Variants in WNK1 observed in about 807,000 individuals in gnomAD.
WNK1 encodes WNK lysine deficient protein kinase 1.
In WNK1, 38 loss-of-function variants were observed where a neutral mutation model predicts 222.8. The observed-to-expected ratio is 0.17, with a 90% CI of 0.13 to 0.22. WNK1 has a LOEUF of 0.22. Among genes scored for constraint, WNK1 ranks in the 10% least tolerant of loss-of-function variants. The pLI, the probability that WNK1 is intolerant of heterozygous loss-of-function variation, is 1.00. For synonymous variants in WNK1, 1,090 were observed against 1,092.9 expected (o/e 1.00, Z 0.05); for missense variants, 2,348 against 2,918.4 (o/e 0.80, Z 4.50).
intron 1 of WNK1, among the ~76,000 whole-genome samples, chr12:801,660 G>A (rs978452998): frequency 2.0e-5 from 3 of 151,150 alleles, no homozygotes; most frequent in Non-Finnish European, 2.9e-5. Flanking sequence ...CTCCTGCCTC[G>A]GCCTCCCAAA....
At chr12:848,426 C>G (rs1950178937) in intron 4 of WNK1, among the ~76,000 whole-genome samples, 1 of 148,552 alleles carries the variant, frequency 6.7e-6, no homozygotes, top group Non-Finnish European at 1.5e-5. Flanking sequence ...TATTAGAAAT[C>G]AGAACTTTGA....
At chr12:871,643 C>T (rs901374110) in intron 9 of WNK1, among the ~76,000 whole-genome samples, 8 of 152,090 alleles carry the variant, frequency 5.3e-5, no homozygotes, top group African/African-American at 1.9e-4. Context: ...CACTCTGTCA[C>T]CCAGGCTGGA....
At chr12:786,338 C>T (rs1295747332) in intron 1 of WNK1, among the ~76,000 whole-genome samples, 3 of 152,064 alleles carry the variant, frequency 2.0e-5, no homozygotes, top group Non-Finnish European at 4.4e-5. Flanking sequence ...ATGTTATATA[C>T]GTAAATAATT....
chr12:861,629 T>C (rs1415198873), intron 7 of WNK1, among the ~76,000 whole-genome samples: 3 of 152,196 alleles, frequency 2.0e-5, no homozygotes, highest in African/African-American at 7.2e-5. Context: ...TTTATTTAAA[T>C]AAAACAGATT....
At chr12:855,340 G>A (rs6489756) in intron 4 of WNK1, among the ~76,000 whole-genome samples, 77,231 of 152,070 alleles carry the variant, frequency 0.51, 20,112 homozygotes, top group East Asian at 0.81. Flanking sequence ...CTGCTACACA[G>A]TTCCTTGCTG....
chr12:805,692 A>G (rs1219067234), intron 1 of WNK1, among the ~76,000 whole-genome samples: 1 of 152,192 alleles, frequency 6.6e-6, no homozygotes, highest in Non-Finnish European at 1.5e-5. Context: ...GTTTGCTGAC[A>G]TTAGGACGTG....
intron 19 of WNK1, among the ~76,000 whole-genome samples, chr12:886,506 TG>T (rs1215562426): frequency 6.6e-6 from 1 of 152,128 alleles, no homozygotes; most frequent in Non-Finnish European, 1.5e-5. Flanking sequence ...TTGTACAGTT[TG>T]GGGGTTATAA....
chr12:868,293 A>G lies in WNK1; in HGVS notation c.2140-2972A>G, dbSNP rs751910640. The G allele has an allele frequency of 3.7e-6, 6 of 1,607,702 alleles. No homozygotes were observed. The South Asian group carries it at 5.5e-5, about 15-fold the overall frequency. On this transcript the variant is annotated intron_variant, in intron 8 of 27. Transcript: ENST00000315939. Reference sequence around the variant, plus strand: ...GAAGCAGTGTATGTAGCTGGGGTACATTACCAGGCCCGGGTGGCAGAACAG... The same window carrying G: ...GAAGCAGTGTATGTAGCTGGGGTACGTTACCAGGCCCGGGTGGCAGAACAG...
intron 20 of WNK1, among the ~76,000 whole-genome samples, chr12:887,584 G>C (rs72650743): frequency 4.9e-4 from 75 of 152,156 alleles, no homozygotes; most frequent in African/African-American, 1.8e-3. Context: ...CATTTTGTCA[G>C]ACCCATATAG....
In WNK1 at chr12:896,365, G is replaced by A. The variant is rs1010227759; in HGVS notation, c.5878G>A (p.Val1960Ile). The change falls in exon 24 of 28, where the codon GTA becomes ATA. Residue 1960 changes from valine to isoleucine, a missense_variant. Around this residue, in one of 13 missense-constraint regions of WNK1, gnomAD observed 1,144 missense variants for 1,273.6 expected, o/e 0.90. Coordinates refer to ENST00000315939, the MANE Select transcript of WNK1 (RefSeq NM_018979.4). Reference sequence around the variant, plus strand: ...AGCAAACAAAGTGGGTCGTTTCTCTGTATCAAAAACTGAGGACAAGATCAC... The same window carrying A: ...AGCAAACAAAGTGGGTCGTTTCTCTATATCAAAAACTGAGGACAAGATCAC... ...TTANKVGRFS[V>I]SKTEDKITDT... 4.3e-6 allele frequency: 7 copies of A among 1,614,182 alleles called. No individual in the cohort carries two copies. The highest frequency in any genetic ancestry group is 1.6e-4 in the Middle Eastern group (1 of 6,062).
At chr12:852,110 G>A (rs1285368903) in intron 4 of WNK1, among the ~76,000 whole-genome samples, 4 of 152,158 alleles carry the variant, frequency 2.6e-5, no homozygotes, top group East Asian at 1.9e-4. Context: ...GAAAGATTGC[G>A]TCAGAGAATT....
chr12:879,626 T>G lies in WNK1; in HGVS notation c.2427T>G (p.Val809=). ...TCCAAGGCGAACCTCAGATCCCAGT[T>G]GCGACACAACCCTCGGTTGTTCCAG... ...PTIQGEPQIP[V]ATQPSVVPVH... The change falls in exon 11 of 28, where the codon GTT becomes GTG. Residue 809 remains valine (V), a synonymous_variant. Coordinates refer to ENST00000315939, the MANE Select transcript of WNK1 (RefSeq NM_018979.4). 1 of 1,613,346 alleles carries G rather than the reference T, an allele frequency of 6.2e-7. No individual in the cohort carries two copies. Among genetic ancestry groups the G allele is most frequent in the Non-Finnish European group, 8.5e-7 (1 of 1,179,896 alleles).
At chr12:811,900 A>G (rs562552112) in intron 1 of WNK1, among the ~76,000 whole-genome samples, 16 of 152,232 alleles carry the variant, frequency 1.1e-4, no homozygotes, top group Non-Finnish European at 1.9e-4. Context: ...CTTTTCAGAA[A>G]GGATAAAAAC....
intron 4 of WNK1, among the ~76,000 whole-genome samples, chr12:844,171 G>A (rs373604760): frequency 1.1e-4 from 17 of 150,742 alleles, no homozygotes; most frequent in Admixed American, 6.6e-4. Context: ...TTGCTCTGTC[G>A]CCCAGGCTGG....
chr12:781,000 T>G (rs1247078887), intron 1 of WNK1: 1 of 152,440 alleles, frequency 6.6e-6, no homozygotes. Context: ...TTCTAAGAAA[T>G]ACATTTACAT....
chr12:798,236 G>A (rs960221721), intron 1 of WNK1, among the ~76,000 whole-genome samples: 1 of 150,826 alleles, frequency 6.6e-6, no homozygotes, highest in East Asian at 2.0e-4. Flanking sequence ...CTGTCGCCCA[G>A]GCTGGAGTGC....
intron 1 of WNK1, among the ~76,000 whole-genome samples, chr12:804,910 TTA>T (rs936627743): frequency 7.9e-6 from 1 of 125,790 alleles, no homozygotes; most frequent in African/African-American, 2.9e-5. Flanking sequence ...TTTTTATATT[TTA>T]TATATATAAT....
chr12:786,229 C>G (rs754145890), intron 1 of WNK1, among the ~76,000 whole-genome samples: 3 of 152,006 alleles, frequency 2.0e-5, no homozygotes, highest in African/African-American at 4.8e-5. Flanking sequence ...ACGTGTCAGC[C>G]CTACAAAATA....
At position 758,419 on chromosome 12, in the gene WNK1, C is replaced by T. The variant is rs1159130186; in HGVS notation, c.759+4095C>T. On this transcript the variant is annotated intron_variant, in intron 1 of 27. Transcript: ENST00000315939. Reference sequence around the variant, plus strand: ...TTTTTGAGACGGAGTCTCGCTCTGTCGCCCAGGCCGGACTGCGGACTGCAG... The same window carrying T: ...TTTTTGAGACGGAGTCTCGCTCTGTTGCCCAGGCCGGACTGCGGACTGCAG... 1.1e-4 allele frequency among the ~76,000 whole-genome samples: 10 copies of T among 93,898 alleles called. 2 individuals carry two copies. Among genetic ancestry groups the T allele is most frequent in the African/African-American group, 1.9e-4 (5 of 25,856 alleles). 61.6% of individuals were successfully genotyped at this position (93,898 alleles called of 152,430 possible). A position where few individuals can be genotyped will look rare whatever the true frequency, so the allele number is the denominator to read the frequency against.
Sources: gnomAD v4.1 joint callset for allele counts (sites outside exome capture counted in the v4.1 genomes callset) on GRCh38, gnomAD v4.1.1 for gene constraint, gnomAD v4.1.1 regional missense constraint, MANE v1.5 for transcripts, NCBI Gene and HGNC (gene_info 2026-07-23, HGNC 2026-07-21) for gene names.